EPAS1: variants seen among roughly 807,000 people sequenced by gnomAD.
EPAS1 encodes endothelial PAS domain protein 1, also known as endothelial PAS domain-containing protein 1.
In EPAS1, 23 loss-of-function variants were observed where a neutral mutation model predicts 87.9. That is an observed-to-expected ratio of 0.26 (90% CI 0.19 to 0.37). The LOEUF (loss-of-function observed/expected upper bound fraction) is 0.37, where lower values mean the gene tolerates loss of function less well. Among genes scored for constraint, EPAS1 ranks in the 10% least tolerant of loss-of-function variants. The probability of loss-of-function intolerance (pLI) is 1.00; values close to 1 mark genes in which losing one functional copy is unlikely to be tolerated. For missense variants in EPAS1, 1,138 were observed against 1,120.7 expected, an observed-to-expected ratio of 1.02 and a Z score of -0.22; for synonymous variants, 508 against 444.3, an observed-to-expected ratio of 1.14 and a Z score of -1.80.
chr2:46,361,626 C>G (rs1257561716), intron 6 of EPAS1, among the ~76,000 whole-genome samples: 2 of 152,192 alleles, frequency 1.3e-5, no homozygotes, highest in Non-Finnish European at 2.9e-5. Flanking sequence ...CCCCCCAGTG[C>G]CAGGCCCAGT....
intron 1 of EPAS1, among the ~76,000 whole-genome samples, chr2:46,329,542 G>A (rs561084378): frequency 2.6e-5 from 4 of 152,160 alleles, no homozygotes; most frequent in African/African-American, 7.2e-5. Context: ...ACACACACAC[G>A]GCCAGGCGTG....
intron 1 of EPAS1, among the ~76,000 whole-genome samples, chr2:46,302,734 G>GAAAAAAA (rs368452487): frequency 8.4e-6 from 1 of 119,540 alleles, no homozygotes; most frequent in African/African-American, 3.3e-5. Context: ...GTCTGATTAG[G>GAAAAAAA]AAAAAAAAAA....
chr2:46,328,076 C>T (rs1683600022), intron 1 of EPAS1, among the ~76,000 whole-genome samples: 1 of 152,196 alleles, frequency 6.6e-6, no homozygotes, highest in Non-Finnish European at 1.5e-5. Flanking sequence ...ATCCTATGGT[C>T]CCCAGAGTCC....
chr2:46,369,176 C>T (rs1684569146), intron 6 of EPAS1, among the ~76,000 whole-genome samples: 1 of 152,118 alleles, frequency 6.6e-6, no homozygotes, highest in South Asian at 2.1e-4. Context: ...CCCTCGTTTC[C>T]TTGAAATGTG....
At chr2:46,301,241 G>A (rs973850322) in intron 1 of EPAS1, among the ~76,000 whole-genome samples, 1 of 152,150 alleles carries the variant, frequency 6.6e-6, no homozygotes, top group African/African-American at 2.4e-5. Flanking sequence ...GATGCCGAGA[G>A]AGGTTAAAAG....
chr2:46,338,318 A>G (rs1297601732), intron 1 of EPAS1, among the ~76,000 whole-genome samples: 2 of 152,240 alleles, frequency 1.3e-5, no homozygotes, highest in Non-Finnish European at 2.9e-5. Context: ...CTAACTGGAA[A>G]GAGTCACATG....
At chr2:46,365,959 A>G (rs570626871) in intron 6 of EPAS1, among the ~76,000 whole-genome samples, 18 of 152,382 alleles carry the variant, frequency 1.2e-4, no homozygotes, top group Admixed American at 2.6e-4. Flanking sequence ...GTTACAAAGT[A>G]CTTAAAACTT....
Position 46,300,058 on chromosome 2 carries a change from T to C in EPAS1, c.26+2121T>C, listed in dbSNP as rs1238543944. The stretch of plus-strand genomic sequence containing the variant: ...AGGGCAAACAGCGTGTCCTTCACCA[T>C]CTAGAGCCCCTTAAGGGGTTGTCCA... On this transcript the variant is annotated intron_variant, in intron 1 of 15. Coordinates refer to ENST00000263734, the MANE Select transcript of EPAS1 (RefSeq NM_001430.5). This position sits in a 1 kb window ranked among gnomAD's most constrained non-coding sequence, Gnocchi z 4.1. 6.6e-6 allele frequency among the ~76,000 whole-genome samples: 1 copy of C among 152,128 alleles called. No homozygotes were observed. The highest frequency in any genetic ancestry group is 1.5e-5 in the Non-Finnish European group (1 of 68,040).
chr2:46,328,199 T>C (rs1683602545), intron 1 of EPAS1, among the ~76,000 whole-genome samples: 1 of 151,944 alleles, frequency 6.6e-6, no homozygotes, highest in African/African-American at 2.4e-5. Flanking sequence ...GTAAGTGAGG[T>C]CACCCCGGCC....
intron 1 of EPAS1, among the ~76,000 whole-genome samples, chr2:46,329,577 A>G (rs1683634076): frequency 6.6e-6 from 1 of 152,018 alleles, no homozygotes; most frequent in African/African-American, 2.4e-5. Context: ...TAATCCCAGC[A>G]CTTTAGGAGG....
intron 12 of EPAS1, chr2:46,381,233 C>A: frequency 2.6e-6 from 1 of 381,438 alleles, no homozygotes; most frequent in Non-Finnish European, 5.0e-6. Flanking sequence ...GGTACATGAC[C>A]TGCCACTCCC....
At chr2:46,368,182 T>C (rs1185901966) in intron 6 of EPAS1, among the ~76,000 whole-genome samples, 2 of 152,162 alleles carry the variant, frequency 1.3e-5, no homozygotes, top group Admixed American at 6.5e-5. Flanking sequence ...TTTTCTGTAA[T>C]ATTGTGCATA....
At position 46,357,052 on chromosome 2, in the gene EPAS1, G is replaced by A. The variant is rs1422575395; in HGVS notation, c.454+244G>A. On this transcript the variant is annotated intron_variant, in intron 4 of 15. Transcript: ENST00000263734. Reference sequence around the variant, plus strand: ...GTCCCACTACTAGGGGACACCTTTGGGTTAGGACACTGTCTCTAGGAGGTT... The same window carrying A: ...GTCCCACTACTAGGGGACACCTTTGAGTTAGGACACTGTCTCTAGGAGGTT... Among the ~76,000 whole-genome samples, 8 of 152,170 alleles carry A rather than the reference G, an allele frequency of 5.3e-5. No individual in the cohort carries two copies. The South Asian group carries it at 1.7e-3, about 32-fold the overall frequency.
rs191936751 is a variant in EPAS1 at position 46,309,092 on chromosome 2, T to C, written c.26+11155T>C. ...GGTCTCTTGAGGTGCTCAGTAATTA[T>C]TTGTAGACTGAGTAATTCTGTCTAT... On this transcript the variant is annotated intron_variant, in intron 1 of 15. Transcript: ENST00000263734. Among the ~76,000 whole-genome samples the C allele has an allele frequency of 3.3e-5, 5 of 152,356 alleles. No individual in the cohort carries two copies. In the East Asian group the frequency reaches 7.7e-4, roughly 24 times the overall value.
intron 1 of EPAS1, among the ~76,000 whole-genome samples, chr2:46,314,375 C>T (rs1055806622): frequency 6.6e-6 from 1 of 152,236 alleles, no homozygotes; most frequent in Non-Finnish European, 1.5e-5. Flanking sequence ...ACACCACTGC[C>T]TGTACCTCCA....
At chr2:46,327,995 C>T (rs1294724827) in intron 1 of EPAS1, among the ~76,000 whole-genome samples, 2 of 152,210 alleles carry the variant, frequency 1.3e-5, no homozygotes, top group African/African-American at 2.4e-5. Flanking sequence ...CGTACTCCCT[C>T]CCCAGAATTG....
intron 4 of EPAS1, among the ~76,000 whole-genome samples, chr2:46,357,020 G>T (rs951337085): frequency 6.6e-6 from 1 of 152,190 alleles, no homozygotes; most frequent in Non-Finnish European, 1.5e-5. Flanking sequence ...CCTGCATGGT[G>T]CCTGGTGTCC....
chr2:46,359,018 T>G (rs970319859), intron 4 of EPAS1, among the ~76,000 whole-genome samples: 1 of 151,992 alleles, frequency 6.6e-6, no homozygotes, highest in South Asian at 2.1e-4. Flanking sequence ...CCCAGGACTT[T>G]CGGAGGCCAA....
intron 1 of EPAS1, among the ~76,000 whole-genome samples, chr2:46,302,358 T>C (rs1487735747): frequency 6.6e-6 from 1 of 152,136 alleles, no homozygotes; most frequent in African/African-American, 2.4e-5. Flanking sequence ...TTTGGGGGTT[T>C]TGTTTTGTTT....
Sources: allele counts gnomAD v4.1 joint callset (sites outside exome capture counted in the v4.1 genomes callset), GRCh38; gene constraint gnomAD v4.1.1; non-coding constraint Gnocchi (gnomAD v3.1); transcripts MANE v1.5; gene names NCBI Gene and HGNC (gene_info 2026-07-23, HGNC 2026-07-21).